Variants in MIA2 observed in about 807,000 individuals in gnomAD.
The protein encoded by MIA2 is melanoma inhibitory activity protein 2.
In MIA2, 127 loss-of-function variants were observed where a neutral mutation model predicts 167.8. The ratio of observed to expected loss-of-function variants is 0.76; its 90% CI spans 0.66 to 0.88. The LOEUF is 0.88. Ranked by LOEUF, MIA2 falls within the 40% of genes least tolerant of loss-of-function variation. The pLI, the probability that MIA2 is intolerant of heterozygous loss-of-function variation, is 0.00. For missense variants in MIA2, 1,690 were observed against 1,624.7 expected, an observed-to-expected ratio of 1.04 and a Z score of -0.69; for synonymous variants, 552 against 541.9, an observed-to-expected ratio of 1.02 and a Z score of -0.26.
chr14:39,238,335 G>A (rs1413452597), intron 2 of MIA2, among the ~76,000 whole-genome samples: 1 of 151,656 alleles, frequency 6.6e-6, no homozygotes, highest in African/African-American at 2.4e-5. Context: ...ACCACACCTG[G>A]CTAATTTTTG....
intron 6 of MIA2, among the ~76,000 whole-genome samples, chr14:39,271,589 C>T (rs534881694): frequency 6.6e-6 from 1 of 152,164 alleles, no homozygotes; most frequent in South Asian, 2.1e-4. Flanking sequence ...ATAGGGGTTG[C>T]ATTGAGTCTG....
intron 6 of MIA2, among the ~76,000 whole-genome samples, chr14:39,254,537 A>C (rs901874214): frequency 6.6e-6 from 1 of 152,200 alleles, no homozygotes; most frequent in Non-Finnish European, 1.5e-5. Flanking sequence ...CGAAAATCCA[A>C]ATCAGGGTAT....
At chr14:39,298,094 G>C (rs979829147) in intron 13 of MIA2, among the ~76,000 whole-genome samples, 11 of 151,566 alleles carry the variant, frequency 7.3e-5, no homozygotes, top group Non-Finnish European at 1.3e-4. Flanking sequence ...ATAGATTTGA[G>C]TAGAAAGTGG....
intron 14 of MIA2, 112 bp from the exon 15 acceptor site, chr14:39,302,017 T>G: frequency 8.5e-7 from 1 of 1,172,306 alleles, no homozygotes; most frequent in Admixed American, 2.4e-5. Flanking sequence ...AGAGCTCTTG[T>G]GTTGTTATTT....
chr14:39,279,721 A>C (rs555289302), intron 9 of MIA2, among the ~76,000 whole-genome samples, 184 bp downstream of exon 9: 1 of 152,206 alleles, frequency 6.6e-6, no homozygotes, highest in African/African-American at 2.4e-5. Flanking sequence ...GTAGGTGTAC[A>C]ATGGTGTCTC....
At chr14:39,274,003 T>C (rs1344213041) in intron 6 of MIA2, among the ~76,000 whole-genome samples, 1 of 152,232 alleles carries the variant, frequency 6.6e-6, no homozygotes, top group Admixed American at 6.5e-5. Context: ...TTGTTATTAG[T>C]ATATATCATG....
chr14:39,310,948 T>G (rs888223779), intron 18 of MIA2, among the ~76,000 whole-genome samples: 10 of 152,194 alleles, frequency 6.6e-5, no homozygotes, highest in African/African-American at 1.2e-4. Context: ...CTTTTTAGGT[T>G]AGAATGAAAG....
In MIA2 at chr14:39,348,880, T is replaced by A; in HGVS notation, c.3975T>A (p.Pro1325=). ...DARGPFLRRG[P]PFPPPPPGAM... is the part of the protein sequence containing the mutation. ...GAGGCCCATTCTTGAGAAGAGGACCTCCTTTCCCCCCACCTCCTCCAGGAG... is the reference window on the plus strand; with the variant it reads ...GAGGCCCATTCTTGAGAAGAGGACCACCTTTCCCCCCACCTCCTCCAGGAG... Residue 1325 remains proline (P), a synonymous_variant, in exon 28 of 29, where the codon CCT becomes CCA. Transcript: ENST00000640607. The A allele has an allele frequency of 6.2e-7, 1 of 1,614,158 alleles. No homozygotes were observed. Among genetic ancestry groups the A allele is most frequent in the Non-Finnish European group, 8.5e-7 (1 of 1,180,016 alleles).
intron 9 of MIA2, among the ~76,000 whole-genome samples, chr14:39,280,969 C>T (rs2058844292): frequency 8.4e-6 from 1 of 119,286 alleles, no homozygotes; most frequent in Non-Finnish European, 1.6e-5. Context: ...CTTGTCTAGG[C>T]TGCAGTACAG....
In MIA2 at chr14:39,345,908, A is replaced by G. The variant is rs146750332; in HGVS notation, c.3660A>G (p.Gln1220=). The change falls in exon 26 of 29, where the codon CAA becomes CAG. Residue 1220 remains glutamine, a synonymous_variant. Coordinates refer to ENST00000640607, the MANE Select transcript of MIA2 (RefSeq NM_001329214.4). ...TTTTAAAAACTTATTTTCTAGGACA[A>G]TCATATCCTGATTCAGCCCTTCCTC... ...DRRMMFPPPG[Q]SYPDSALPPQ... The G allele has an allele frequency of 6.6e-5, 106 of 1,609,904 alleles. No individual in the cohort carries two copies. The African/African-American group carries it at 7.6e-4, about 12-fold the overall frequency.
chr14:39,270,529 G>A (rs1347589102), intron 6 of MIA2, among the ~76,000 whole-genome samples: 1 of 151,294 alleles, frequency 6.6e-6, no homozygotes, highest in Non-Finnish European at 1.5e-5. Context: ...GTTGTTGTTT[G>A]TTTGTTTTGT....
intron 7 of MIA2, among the ~76,000 whole-genome samples, 156 bp from the exon 8 acceptor site, chr14:39,279,181 A>G (rs1264531205): frequency 7.0e-6 from 1 of 143,698 alleles, no homozygotes; most frequent in East Asian, 2.0e-4. Context: ...AAAAAAAAGC[A>G]TTTATTTTCT....
At chr14:39,273,511 C>A (rs1428726742) in intron 6 of MIA2, among the ~76,000 whole-genome samples, 1 of 151,990 alleles carries the variant, frequency 6.6e-6, no homozygotes, top group Non-Finnish European at 1.5e-5. Context: ...TGCCATCATG[C>A]TTGGCTAATT....
chr14:39,367,572 C>T (rs1198485836), intron 23 of MIA2, among the ~76,000 whole-genome samples: 1 of 152,206 alleles, frequency 6.6e-6, no homozygotes, highest in African/African-American at 2.4e-5. Flanking sequence ...GATCCCTCAC[C>T]CTTTTCCTAC....
downstream of MIA2, among the ~76,000 whole-genome samples, chr14:39,354,815 A>G (rs1014918280): frequency 7.9e-5 from 12 of 152,218 alleles, no homozygotes; most frequent in Non-Finnish European, 1.2e-4. Flanking sequence ...TATTAAATAG[A>G]GAATCCTTTC....
intron 9 of MIA2, among the ~76,000 whole-genome samples, chr14:39,288,467 A>ATTTTTTT (rs1264770913): frequency 9.7e-5 from 5 of 51,586 alleles, no homozygotes; most frequent in African/African-American, 2.0e-4. Flanking sequence ...ATATATATAT[A>ATTTTTTT]TATATATATT....
intron 2 of MIA2, among the ~76,000 whole-genome samples, chr14:39,238,811 A>AAACAAAACAAAAAAC: frequency 0.021 from 2,128 of 103,662 alleles, 170 homozygotes; most frequent in African/African-American, 0.07. Flanking sequence ...AAAAAAAAAA[A>AAACAAAACAAAAAAC]CCCAAAAAAC....
At chr14:39,371,203 A>T (rs889143206) in intron 23 of MIA2, among the ~76,000 whole-genome samples, 1 of 152,174 alleles carries the variant, frequency 6.6e-6, no homozygotes, top group Non-Finnish European at 1.5e-5. Flanking sequence ...TTTTAAATAT[A>T]TATGATGATG....
At chr14:39,259,515 C>T (rs904699351) in intron 6 of MIA2, among the ~76,000 whole-genome samples, 12 of 151,598 alleles carry the variant, frequency 7.9e-5, no homozygotes, top group African/African-American at 1.9e-4. Context: ...CTTTTCTTTT[C>T]TCTCTCTCTC....
Sources: allele counts gnomAD v4.1 joint callset (sites outside exome capture counted in the v4.1 genomes callset), GRCh38; gene constraint gnomAD v4.1.1; transcripts MANE v1.5; gene names NCBI Gene and HGNC (gene_info 2026-07-23, HGNC 2026-07-21).